L3MBTL4: variants seen among roughly 807,000 people sequenced by gnomAD.
L3MBTL4 encodes the protein lethal(3)malignant brain tumor-like protein 4.
A neutral mutation model predicts 84.5 loss-of-function variants in L3MBTL4; 70 were observed. The ratio of observed to expected loss-of-function variants is 0.83; its 90% CI spans 0.68 to 1.01. L3MBTL4 has a LOEUF of 1.01. Among genes scored for constraint, L3MBTL4 ranks in the 50% least tolerant of loss-of-function variants. The probability of loss-of-function intolerance (pLI) is 0.00; values close to 1 mark genes in which losing one functional copy is unlikely to be tolerated. For synonymous variants in L3MBTL4, 274 were observed against 259.8 expected (o/e 1.05, Z -0.52); for missense variants, 715 against 754.8 (o/e 0.95, Z 0.62).
chr18:6,035,185 G>A (rs2056063564), intron 16 of L3MBTL4, among the ~76,000 whole-genome samples: 1 of 150,362 alleles, frequency 6.7e-6, no homozygotes, highest in Admixed American at 6.6e-5. Flanking sequence ...GGCTTTTGTT[G>A]CCATTGCTTT....
intron 12 of L3MBTL4, among the ~76,000 whole-genome samples, chr18:6,175,966 A>G (rs1343207696): frequency 6.6e-6 from 1 of 152,140 alleles, no homozygotes; most frequent in Non-Finnish European, 1.5e-5. Flanking sequence ...TTAGAATAAC[A>G]TTAAAAATGA....
intron 1 of L3MBTL4, among the ~76,000 whole-genome samples, chr18:6,330,786 CTTCT>C (rs1233311510): frequency 1.3e-5 from 2 of 152,208 alleles, no homozygotes; most frequent in South Asian, 4.1e-4. Context: ...CAAAATCAAG[CTTCT>C]TTCTTTCTAT....
chr18:6,335,125 C>T (rs2143297247), intron 1 of L3MBTL4, among the ~76,000 whole-genome samples: 1 of 152,242 alleles, frequency 6.6e-6, no homozygotes, highest in East Asian at 1.9e-4. Flanking sequence ...GAGTCTTGCT[C>T]TGTTGCCCAG....
chr18:6,188,318 T>C (rs1050903652), intron 12 of L3MBTL4, among the ~76,000 whole-genome samples: 2 of 150,080 alleles, frequency 1.3e-5, no homozygotes, highest in Non-Finnish European at 3.0e-5. Context: ...TACTCTATAA[T>C]ATAATTAATA....
intron 1 of L3MBTL4, among the ~76,000 whole-genome samples, chr18:6,403,048 T>A (rs143000981): frequency 2.1e-4 from 32 of 152,300 alleles, no homozygotes; most frequent in African/African-American, 7.5e-4. Context: ...CTGAGTGGCA[T>A]TTAAAGGACA....
chr18:6,173,969 C>G (rs951718274), intron 12 of L3MBTL4, among the ~76,000 whole-genome samples: 3 of 151,914 alleles, frequency 2.0e-5, no homozygotes, highest in African/African-American at 7.3e-5. Flanking sequence ...GTGGAGAAAC[C>G]TCAATTAACA....
At chr18:6,275,755 T>C (rs981076778) in intron 4 of L3MBTL4, among the ~76,000 whole-genome samples, 2 of 152,204 alleles carry the variant, frequency 1.3e-5, no homozygotes, top group African/African-American at 2.4e-5. Context: ...AAATCATCAA[T>C]GTTTTATTCA....
chr18:6,258,185 G>A (rs1254718973), intron 5 of L3MBTL4, among the ~76,000 whole-genome samples: 1 of 152,214 alleles, frequency 6.6e-6, no homozygotes, highest in Non-Finnish European at 1.5e-5. Flanking sequence ...GGGACTGAAA[G>A]CTTCAGGTGG....
rs2043548240 is a variant in L3MBTL4, at chr18:6,164,634, G to A, written c.1096+7194C>T. On this transcript the variant is annotated intron_variant, in intron 13 of 18. Transcript: ENST00000317931. ...AGCTGAGGGTCCTGACCATTAGAAGGAAAACTAACAAAAAGAAAGGACATC... is the reference window on the plus strand; with the variant it reads ...AGCTGAGGGTCCTGACCATTAGAAGAAAAACTAACAAAAAGAAAGGACATC... Among the ~76,000 whole-genome samples, 3 of 152,138 alleles carry A rather than the reference G, an allele frequency of 2.0e-5. No homozygotes were observed. In the South Asian group the frequency reaches 6.2e-4, roughly 32 times the overall value.
At chr18:5,990,766 TGTGG>T (rs531268910) in intron 16 of L3MBTL4, among the ~76,000 whole-genome samples, 28 of 124,076 alleles carry the variant, frequency 2.3e-4, no homozygotes, top group East Asian at 8.5e-4. Context: ...GTAGGGTTCA[TGTGG>T]GTGTGTGTGT....
intron 5 of L3MBTL4, among the ~76,000 whole-genome samples, chr18:6,255,391 C>G (rs1464035547): frequency 6.6e-6 from 1 of 152,200 alleles, no homozygotes; most frequent in Non-Finnish European, 1.5e-5. Flanking sequence ...TTCCCAGCAA[C>G]CCTGGTACTT....
intron 1 of L3MBTL4, among the ~76,000 whole-genome samples, chr18:6,312,595 G>A (rs938022999): frequency 8.5e-5 from 13 of 152,086 alleles, no homozygotes; most frequent in South Asian, 2.1e-4. Context: ...CTACACCCAC[G>A]GTTCACCTGC....
intron 16 of L3MBTL4, among the ~76,000 whole-genome samples, chr18:6,008,919 T>C (rs1409630858): frequency 1.3e-5 from 2 of 152,186 alleles, no homozygotes; most frequent in South Asian, 2.1e-4. Flanking sequence ...CCTACTTCAA[T>C]AGACCTCCTT....
chr18:6,092,958 G>A (rs1460628122), intron 15 of L3MBTL4, among the ~76,000 whole-genome samples: 1 of 152,176 alleles, frequency 6.6e-6, no homozygotes, highest in African/African-American at 2.4e-5. Flanking sequence ...TAAGAGATAA[G>A]AGACGAAATC....
At chr18:6,166,016 G>T (rs1477870130) in intron 13 of L3MBTL4, among the ~76,000 whole-genome samples, 1 of 152,084 alleles carries the variant, frequency 6.6e-6, no homozygotes. Flanking sequence ...ACAAAAAAAG[G>T]CAGGGGTTGC....
At chr18:6,252,691 T>C (rs1208407972) in intron 5 of L3MBTL4, among the ~76,000 whole-genome samples, 1 of 152,222 alleles carries the variant, frequency 6.6e-6, no homozygotes, top group Non-Finnish European at 1.5e-5. Flanking sequence ...ATAAGACTCA[T>C]ATGTCCTGCT....
At chr18:6,410,540 A>G (rs576043107) in intron 1 of L3MBTL4, among the ~76,000 whole-genome samples, 1 of 152,306 alleles carries the variant, frequency 6.6e-6, no homozygotes, top group East Asian at 1.9e-4. Flanking sequence ...ATGCTGATTT[A>G]ATCTAAAAAG....
Position 6,171,919 on chromosome 18 carries a change from A to C in L3MBTL4, c.1005T>G (p.His335Gln), listed in dbSNP as rs2043991355. The change falls in exon 13 of 19, where the codon CAT (histidine) becomes CAG (glutamine). Residue 335 changes from histidine (H) to glutamine (Q), a missense_variant. Coordinates refer to ENST00000317931, the MANE Select transcript of L3MBTL4 (RefSeq NM_001330559.2). ...CTGCCTCCACCCAGTAGTCATACTT[A>C]TGGTCCCAACCATCAAAATGAACCT... ...RVKVHFDGWD[H>Q]KYDYWVEADS... is the part of the protein sequence containing the mutation. 2 of 1,553,632 alleles carry C rather than the reference A, an allele frequency of 1.3e-6. No individual in the cohort carries two copies.
chr18:6,129,003 G>A (rs2059789287), intron 14 of L3MBTL4, among the ~76,000 whole-genome samples: 1 of 152,062 alleles, frequency 6.6e-6, no homozygotes, highest in Non-Finnish European at 1.5e-5. Flanking sequence ...AGGGTGTTCA[G>A]TCAAAGCCAA....
Sources: allele counts gnomAD v4.1 joint callset (sites outside exome capture counted in the v4.1 genomes callset), GRCh38; gene constraint gnomAD v4.1.1; transcripts MANE v1.5; gene names NCBI Gene and HGNC (gene_info 2026-07-23, HGNC 2026-07-21).